Variants in CHL1 observed in about 807,000 individuals in gnomAD.
CHL1 encodes the protein cell adhesion molecule L1 like, also known as neural cell adhesion molecule L1-like protein.
A neutral mutation model predicts 141.9 loss-of-function variants in CHL1; 96 were observed. That is an observed-to-expected ratio of 0.68 (90% confidence interval 0.57 to 0.80). The LOEUF (loss-of-function observed/expected upper bound fraction) is 0.80, where lower values mean the gene tolerates loss of function less well. CHL1 is among the 30% of genes least tolerant of loss of function. The probability of loss-of-function intolerance (pLI) is 0.00; values close to 1 mark genes in which losing one functional copy is unlikely to be tolerated. For missense variants in CHL1, 1,820 were observed against 1,457.2 expected, an observed-to-expected ratio of 1.25 and a Z score of -4.05; for synonymous variants, 613 against 502.2, an observed-to-expected ratio of 1.22 and a Z score of -2.95.
chr3:376,386 C>G (rs775744519), intron 15 of CHL1: 2 of 516,952 alleles, frequency 3.9e-6, no homozygotes, highest in Admixed American at 3.9e-5. Context: ...TGATTTGGAA[C>G]CTGGACTGAG....
intron 1 of CHL1, among the ~76,000 whole-genome samples, chr3:224,032 C>T (rs1210436138): frequency 6.6e-6 from 1 of 152,122 alleles, no homozygotes. Flanking sequence ...CCTATAGGAG[C>T]AATTGGGAAG....
chr3:328,374 T>A lies in CHL1; in HGVS notation c.385+20T>A. ...TTCCAAGTAAGTACTATAACGGGAA[T>A]TTCATTTTACAAGTGTTTTAGTGAA... is the stretch of plus-strand genomic sequence containing the variant. On this transcript the variant is annotated intron_variant, in intron 5 of 27. Transcript: ENST00000256509. 1 of 1,576,176 alleles carries A rather than the reference T, an allele frequency of 6.3e-7. No individual in the cohort carries two copies. Among genetic ancestry groups the A allele is most frequent in the Non-Finnish European group, 8.6e-7 (1 of 1,157,852 alleles).
At chr3:306,024 A>G (rs1375765959) in intron 2 of CHL1, among the ~76,000 whole-genome samples, 1 of 152,204 alleles carries the variant, frequency 6.6e-6, no homozygotes, top group East Asian at 1.9e-4. Context: ...GTTATCATGC[A>G]AATGAAGAAG....
intron 2 of CHL1, among the ~76,000 whole-genome samples, chr3:257,380 G>T (rs183669464): frequency 4.3e-4 from 61 of 142,456 alleles, no homozygotes; most frequent in Middle Eastern, 3.7e-3. Context: ...GTGAGACAGA[G>T]TCTCTCTCTG....
intron 1 of CHL1, among the ~76,000 whole-genome samples, chr3:244,027 T>C (rs2125107411): frequency 6.6e-6 from 1 of 152,276 alleles, no homozygotes; most frequent in South Asian, 2.1e-4. Context: ...AAGGATTGGA[T>C]ATATTGGTTG....
chr3:326,223 G>A (rs988684057), intron 4 of CHL1, among the ~76,000 whole-genome samples, 159 bp downstream of exon 4: 1 of 151,876 alleles, frequency 6.6e-6, no homozygotes. Context: ...AAAAAAATTT[G>A]GTTATTTCAC....
intron 7 of CHL1, 147 bp downstream of exon 7, chr3:342,229 A>G (rs2125151560): frequency 1.7e-6 from 1 of 599,170 alleles, no homozygotes; most frequent in East Asian, 2.9e-5. Flanking sequence ...GATGAAATAG[A>G]CATCTGCAGC....
chr3:253,356 A>G lies in CHL1; in HGVS notation c.-95+8664A>G, dbSNP rs139706386. On this transcript the variant is annotated intron_variant, in intron 2 of 27. Transcript: ENST00000256509. ...TCTTCTCTGAGGAGTTATTGAATTG[A>G]TGCTGAAGTAACAGAGCTGGTATCA... Among the ~76,000 whole-genome samples, 17 of 152,276 alleles carry G rather than the reference A, an allele frequency of 1.1e-4. No individual in the cohort carries two copies. In the East Asian group the frequency reaches 2.9e-3, roughly 26 times the overall value.
intron 12 of CHL1, among the ~76,000 whole-genome samples, chr3:361,287 T>A (rs911831562): frequency 5.4e-5 from 8 of 148,108 alleles, no homozygotes; most frequent in East Asian, 2.0e-4. Flanking sequence ...AACCTAGGCA[T>A]TACCATTCAG....
chr3:206,651 G>T (rs546545346), intron 1 of CHL1, among the ~76,000 whole-genome samples: 1 of 152,230 alleles, frequency 6.6e-6, no homozygotes, highest in Non-Finnish European at 1.5e-5. Context: ...GAGGTGGGAG[G>T]ATCATTTGAG....
intron 1 of CHL1, among the ~76,000 whole-genome samples, chr3:221,092 A>T (rs11707773): frequency 0.16 from 24,754 of 152,114 alleles, 2,147 homozygotes; most frequent in Middle Eastern, 0.3. Flanking sequence ...GAAATCCCAC[A>T]CTCACCCACT....
chr3:246,255 GATGATGTATTA>G (rs1693162668), intron 2 of CHL1, among the ~76,000 whole-genome samples: 1 of 152,086 alleles, frequency 6.6e-6, no homozygotes, highest in Non-Finnish European at 1.5e-5. Context: ...GTTGTGTCAT[GATGATGTATTA>G]ATAATTATTT....
intron 2 of CHL1, among the ~76,000 whole-genome samples, chr3:311,884 A>G (rs952550523): frequency 6.6e-6 from 1 of 152,204 alleles, no homozygotes; most frequent in African/African-American, 2.4e-5. Flanking sequence ...AACTCAGAAA[A>G]TAACTTAATG....
At chr3:289,260 A>C (rs1284797354) in intron 2 of CHL1, among the ~76,000 whole-genome samples, 1 of 152,202 alleles carries the variant, frequency 6.6e-6, no homozygotes, top group Non-Finnish European at 1.5e-5. Flanking sequence ...TTTTATCTTA[A>C]AGACATAAAA....
At chr3:270,158 G>A (rs1352884574) in intron 2 of CHL1, among the ~76,000 whole-genome samples, 1 of 152,146 alleles carries the variant, frequency 6.6e-6, no homozygotes, top group African/African-American at 2.4e-5. Flanking sequence ...GAATCAAACT[G>A]AGTTTTAGTG....
chr3:342,900 G>A (rs1485186989), intron 7 of CHL1, 84 bp from the exon 8 acceptor site: 2 of 1,129,396 alleles, frequency 1.8e-6, no homozygotes, highest in African/African-American at 1.6e-5. Flanking sequence ...ATTTTTCTAA[G>A]ACAAAAATAT....
At chr3:320,847 C>T (rs192841961) in intron 3 of CHL1, among the ~76,000 whole-genome samples, 1 of 151,782 alleles carries the variant, frequency 6.6e-6, no homozygotes, top group African/African-American at 2.4e-5. Flanking sequence ...CATTTTTATC[C>T]GTATCATTCA....
At chr3:206,051 C>T (rs923321135) in intron 1 of CHL1, among the ~76,000 whole-genome samples, 1 of 152,180 alleles carries the variant, frequency 6.6e-6, no homozygotes, top group Admixed American at 6.5e-5. Context: ...TTCCTGTTGT[C>T]CATCCAAACT....
At chr3:231,308 CCT>C (rs1250260277) in intron 1 of CHL1, among the ~76,000 whole-genome samples, 1 of 152,050 alleles carries the variant, frequency 6.6e-6, no homozygotes, top group Admixed American at 6.6e-5. Flanking sequence ...TCCTTCCTCT[CCT>C]CTCTTTTTTA....
Sources: allele counts gnomAD v4.1 joint callset (sites outside exome capture counted in the v4.1 genomes callset), GRCh38; gene constraint gnomAD v4.1.1; transcripts MANE v1.5; gene names NCBI Gene and HGNC (gene_info 2026-07-23, HGNC 2026-07-21).